NEXMIF: variants seen among roughly 807,000 people sequenced by gnomAD.
NEXMIF encodes XLMR protein related to neurite extension.
Under a neutral mutation model 62.1 loss-of-function variants are expected in NEXMIF, and 8 were observed. The ratio of observed to expected loss-of-function variants is 0.13; its 90% CI spans 0.08 to 0.23. The LOEUF is 0.23. NEXMIF is among the 10% of genes least tolerant of loss of function. NEXMIF has a pLI of 1.00. For missense variants in NEXMIF, 976 were observed against 1,113.3 expected, an observed-to-expected ratio of 0.88 and a Z score of 1.75; for synonymous variants, 404 against 416.6, an observed-to-expected ratio of 0.97 and a Z score of 0.37.
intron 1 of NEXMIF, among the ~76,000 whole-genome samples, chrX:74,836,785 C>T (rs2080458325): frequency 9.0e-6 from 1 of 111,582 alleles, no homozygotes; most frequent in Admixed American, 9.5e-5. Context: ...ACTCCTTTAG[C>T]TGCCCTGGCT....
At chrX:74,739,960 A>T in intron 3 of NEXMIF, 140 bp downstream of exon 3, 1 of 534,375 alleles carries the variant, frequency 1.9e-6, no homozygotes, top group Non-Finnish European at 2.9e-6. Flanking sequence ...TTTTCTTTTT[A>T]CTTTGAAAAA....
intron 1 of NEXMIF, among the ~76,000 whole-genome samples, chrX:74,861,884 C>A (rs2080558875): frequency 9.0e-6 from 1 of 111,671 alleles, no homozygotes; most frequent in Non-Finnish European, 1.9e-5. Flanking sequence ...CCAGCCACTG[C>A]AAAAACACAC....
chrX:74,845,369 T>G (rs763022596), intron 1 of NEXMIF, among the ~76,000 whole-genome samples: 9 of 112,004 alleles, frequency 8.0e-5, no homozygotes, highest in Non-Finnish European at 1.3e-4. Flanking sequence ...AAGGTGCTGT[T>G]TCCAAAAAAA....
chrX:74,859,838 T>A (rs1278125396), intron 1 of NEXMIF, among the ~76,000 whole-genome samples: 1 of 111,496 alleles, frequency 9.0e-6, no homozygotes, highest in African/African-American at 3.3e-5. Context: ...TATGTTGTTG[T>A]CAGCTTAAAA....
Position 74,804,344 on chromosome X carries a change from C to T in NEXMIF, c.-47-58647G>A, listed in dbSNP as rs138901721. ...TTTTCTCAAGTAAAAGAAGTCTCTT[C>T]CCATAGCCACCAGAGCTGGGAATGT... On this transcript the variant is annotated intron_variant, in intron 1 of 3. Coordinates refer to ENST00000055682, the MANE Select transcript of NEXMIF (RefSeq NM_001008537.3). 7.6e-3 allele frequency among the ~76,000 whole-genome samples: 849 copies of T among 112,071 alleles called. 10 individuals are homozygous for T. Among genetic ancestry groups the T allele is most frequent in the African/African-American group, 0.026 (793 of 30,826 alleles).
intron 1 of NEXMIF, among the ~76,000 whole-genome samples, chrX:74,861,689 T>G (rs902229955): frequency 1.8e-5 from 2 of 111,714 alleles, no homozygotes; most frequent in African/African-American, 6.5e-5. Flanking sequence ...GGAGCTAATA[T>G]TCAACATTCT....
At chrX:74,818,646 A>G (rs991705040) in intron 1 of NEXMIF, among the ~76,000 whole-genome samples, 1 of 112,387 alleles carries the variant, frequency 8.9e-6, no homozygotes. Context: ...TGCACAGCAA[A>G]AGAAACTATT....
chrX:74,827,326 T>C (rs1356311945), intron 1 of NEXMIF, among the ~76,000 whole-genome samples: 1 of 111,857 alleles, frequency 8.9e-6, no homozygotes, highest in East Asian at 2.8e-4. Flanking sequence ...AAGGGTACAG[T>C]CAGTCCTGAT....
intron 1 of NEXMIF, among the ~76,000 whole-genome samples, chrX:74,765,992 G>A (rs1388304300): frequency 9.6e-6 from 1 of 104,176 alleles, no homozygotes; most frequent in Admixed American, 1.0e-4. Context: ...AGTGAGCCGA[G>A]ATCGCACTAC....
intron 1 of NEXMIF, among the ~76,000 whole-genome samples, chrX:74,852,052 A>G (rs2080516132): frequency 9.0e-6 from 1 of 111,501 alleles, no homozygotes; most frequent in South Asian, 3.8e-4. Flanking sequence ...TGACCTATGT[A>G]TAGAATCCCT....
At position 74,781,505 on chromosome X, in the gene NEXMIF, T is replaced by C. The variant is rs186410250; in HGVS notation, c.-47-35808A>G. On this transcript the variant is annotated intron_variant, in intron 1 of 3. Coordinates refer to ENST00000055682, the MANE Select transcript of NEXMIF (RefSeq NM_001008537.3). ...AGGTGTATGTGAAGCCTTAGGTGTA[T>C]GTGAAAGCCTTAGGTGTATGTGAAA... is the stretch of plus-strand genomic sequence containing the variant. Among the ~76,000 whole-genome samples the C allele has an allele frequency of 4.1e-4, 46 of 112,603 alleles. 1 individual carries two copies. Among genetic ancestry groups the C allele is most frequent in the Admixed American group, 3.2e-3 (34 of 10,678 alleles).
intron 1 of NEXMIF, among the ~76,000 whole-genome samples, chrX:74,881,862 G>A (rs2080665820): frequency 2.7e-5 from 3 of 111,592 alleles, no homozygotes; most frequent in South Asian, 3.8e-4. Flanking sequence ...GGGTTTTCAC[G>A]ACTAGAAGTC....
At chrX:74,922,749 G>A (rs998939653) in intron 1 of NEXMIF, among the ~76,000 whole-genome samples, 2 of 110,837 alleles carry the variant, frequency 1.8e-5, no homozygotes, top group African/African-American at 6.6e-5. Flanking sequence ...TTATGTCATG[G>A]TATTTTACAC....
chrX:74,849,707 G>A lies in NEXMIF; in HGVS notation c.-48+75176C>T, dbSNP rs767665601. On this transcript the variant is annotated intron_variant, in intron 1 of 3. Coordinates refer to ENST00000055682, the MANE Select transcript of NEXMIF (RefSeq NM_001008537.3). The stretch of plus-strand genomic sequence containing the variant: ...CAGAGCAGAACCATAAGCCGTTGGC[G>A]TGACCCTGCTATAGGGTGCATTTTC... Among the ~76,000 whole-genome samples, 11 of 112,405 alleles carry A rather than the reference G, an allele frequency of 9.8e-5. No individual in the cohort carries two copies. In the South Asian group the frequency reaches 3.7e-3, roughly 38 times the overall value.
At chrX:74,902,414 C>A (rs1261479860) in intron 1 of NEXMIF, among the ~76,000 whole-genome samples, 5 of 109,665 alleles carry the variant, frequency 4.6e-5, no homozygotes, top group African/African-American at 1.7e-4. Context: ...TATAGGAACA[C>A]AGAAAAGCTA....
rs193136214 is a variant in NEXMIF, at chrX:74,858,045, C to T, written c.-48+66838G>A. On this transcript the variant is annotated intron_variant, in intron 1 of 3. Transcript: ENST00000055682. The stretch of plus-strand genomic sequence containing the variant: ...TTTCTAGGATTTTTGACTCTAGTTC[C>T]TGGCCTGGATGGCATCTCAAGAGCT... Among the ~76,000 whole-genome samples the T allele has an allele frequency of 3.4e-3, 385 of 112,395 alleles. 2 individuals carry two copies. Among genetic ancestry groups the T allele is most frequent in the African/African-American group, 0.012 (367 of 30,944 alleles).
intron 1 of NEXMIF, among the ~76,000 whole-genome samples, chrX:74,834,944 G>T (rs1456937294): frequency 9.0e-6 from 1 of 111,229 alleles, no homozygotes; most frequent in Non-Finnish European, 1.9e-5. Flanking sequence ...TCTTAGATTT[G>T]CCCTGTTGAG....
intron 1 of NEXMIF, among the ~76,000 whole-genome samples, chrX:74,921,297 T>C (rs1442392909): frequency 3.6e-5 from 4 of 110,851 alleles, no homozygotes; most frequent in Non-Finnish European, 7.6e-5. Context: ...AAAGACTCTA[T>C]CATCACTAAA....
intron 1 of NEXMIF, among the ~76,000 whole-genome samples, chrX:74,869,427 C>T (rs2080592290): frequency 9.0e-6 from 1 of 111,690 alleles, no homozygotes; most frequent in South Asian, 3.7e-4. Context: ...CAAAGATGCC[C>T]ACTATCACCA....
Sources: gnomAD v4.1 joint callset for allele counts (sites outside exome capture counted in the v4.1 genomes callset) on GRCh38, gnomAD v4.1.1 for gene constraint, MANE v1.5 for transcripts, NCBI Gene and HGNC (gene_info 2026-07-23, HGNC 2026-07-21) for gene names.